The following PDE8B variants were observed in gnomAD, a reference collection of about 807,000 sequenced individuals.
The protein encoded by PDE8B is high affinity cAMP-specific and IBMX-insensitive 3',5'-cyclic phosphodiesterase 8B.
A neutral mutation model predicts 101.3 loss-of-function variants in PDE8B; 26 were observed. The ratio of observed to expected loss-of-function variants is 0.26; its 90% CI spans 0.19 to 0.36. The LOEUF (loss-of-function observed/expected upper bound fraction) is 0.36, where lower values mean the gene tolerates loss of function less well. PDE8B is among the 10% of genes least tolerant of loss of function. The pLI is 1.00. For synonymous variants in PDE8B, 424 were observed against 429.3 expected, an observed-to-expected ratio of 0.99 and a Z score of 0.15; for missense variants, 810 against 1,163.1, an observed-to-expected ratio of 0.70 and a Z score of 4.42.
chr5:77,308,685 A>C (rs1771814405), intron 1 of PDE8B, among the ~76,000 whole-genome samples: 1 of 152,166 alleles, frequency 6.6e-6, no homozygotes, highest in African/African-American at 2.4e-5. Context: ...ATGCTGTGAC[A>C]CAGTGGCCAT....
At position 77,325,637 on chromosome 5, in the gene PDE8B, G is replaced by A. The variant is rs752119454; in HGVS notation, c.498G>A (p.Glu166=). The change falls in exon 3 of 22, where the codon GAG becomes GAA. Residue 166 remains glutamate, a synonymous_variant. Coordinates refer to ENST00000264917, the MANE Select transcript of PDE8B (RefSeq NM_003719.5). ...GYRCNIARTP[E]SALECFLDKH... Reference sequence around the variant, plus strand: ...GATGCAATATTGCTCGGACTCCAGAGTCAGCCCTTGAATGCTTTCTTGATA... The same window carrying A: ...GATGCAATATTGCTCGGACTCCAGAATCAGCCCTTGAATGCTTTCTTGATA... 3 of 1,613,774 alleles carry A rather than the reference G, an allele frequency of 1.9e-6. No individual in the cohort carries two copies. The highest frequency in any genetic ancestry group is 1.7e-6 in the Non-Finnish European group (2 of 1,179,670).
chr5:77,403,114 G>A lies in PDE8B; in HGVS notation c.1211-1606G>A, dbSNP rs538458561. Among the ~76,000 whole-genome samples the A allele has an allele frequency of 1.1e-4, 17 of 152,268 alleles. No individual in the cohort carries two copies. In the South Asian group the frequency reaches 3.5e-3, roughly 32 times the overall value. ...ACAGAAGCAAATGCGCTGAAAATGT[G>A]TGTTTCTGAAGCCAACACTGCTGCC... On this transcript the variant is annotated intron_variant, in intron 11 of 21. Coordinates refer to ENST00000264917, the MANE Select transcript of PDE8B (RefSeq NM_003719.5).
At chr5:77,403,386 G>A (rs1792725446) in intron 11 of PDE8B, among the ~76,000 whole-genome samples, 1 of 152,122 alleles carries the variant, frequency 6.6e-6, no homozygotes, top group African/African-American at 2.4e-5. Flanking sequence ...TGCATCATTT[G>A]ATGAAATCCA....
rs140275309 is a variant in PDE8B at position 77,242,896 on chromosome 5, G to A, written c.339+31632G>A. Among the ~76,000 whole-genome samples, 682 of 152,222 alleles carry A rather than the reference G, an allele frequency of 4.5e-3. 6 individuals carry two copies. The highest frequency in any genetic ancestry group is 0.016 in the African/African-American group (648 of 41,532). ...TTAGCCAGGATGGTCTTGATCTCCT[G>A]ACCTTGTGATCCGCCTGTCTCGGCC... On this transcript the variant is annotated intron_variant, in intron 1 of 21. Coordinates refer to ENST00000264917, the MANE Select transcript of PDE8B (RefSeq NM_003719.5).
intron 18 of PDE8B, 23 bp downstream of exon 18, chr5:77,418,469 T>C (rs375966620): frequency 6.6e-5 from 102 of 1,552,012 alleles, no homozygotes; most frequent in Non-Finnish European, 8.5e-5. Context: ...GGGGCTCCTG[T>C]GCTCAAGTTT....
chr5:77,092,455 C>T, the PDE8B span: 19 of 152,208 alleles, frequency 1.2e-4, no homozygotes, highest in Admixed American at 4.6e-4. Context: ...TTTCATCACG[C>T]GTGTAACCAT....
chr5:77,149,783 A>T, the PDE8B span, among the ~76,000 whole-genome samples: 11 of 152,304 alleles, frequency 7.2e-5, no homozygotes, highest in African/African-American at 2.6e-4. Flanking sequence ...TATACGCAAG[A>T]TTATGCCATC....
rs538466192 is a variant in PDE8B, at chr5:77,387,299, G to A, written c.1168-12949G>A. ...TCTCGGTATTTGCTTGTCTGTAAAG[G>A]ATTTTATTTCTCCTTCACTTATGAA... On this transcript the variant is annotated intron_variant, in intron 10 of 21. Transcript: ENST00000264917. 3.0e-4 allele frequency among the ~76,000 whole-genome samples: 46 copies of A among 152,228 alleles called. 1 individual carries two copies. Among genetic ancestry groups the A allele is most frequent in the Admixed American group, 5.9e-4 (9 of 15,284 alleles).
chr5:77,154,672 T>C, the PDE8B span, among the ~76,000 whole-genome samples: 403 of 152,274 alleles, frequency 2.6e-3, 5 homozygotes, highest in African/African-American at 9.2e-3. Context: ...ATCTCCCAGA[T>C]GGGAGGGCCC....
chr5:77,236,260 C>T (rs1754671479), intron 1 of PDE8B, among the ~76,000 whole-genome samples: 1 of 152,108 alleles, frequency 6.6e-6, no homozygotes, highest in African/African-American at 2.4e-5. Flanking sequence ...GGTGAGAGGA[C>T]AAGGTTCTAG....
the PDE8B span, among the ~76,000 whole-genome samples, chr5:77,130,618 GA>G: frequency 3.9e-5 from 6 of 152,184 alleles, no homozygotes; most frequent in Admixed American, 3.3e-4. Context: ...TTGGATTTTA[GA>G]AAGGTATATG....
chr5:77,176,295 C>T, the PDE8B span, among the ~76,000 whole-genome samples: 38 of 152,202 alleles, frequency 2.5e-4, no homozygotes, highest in East Asian at 6.8e-3. Flanking sequence ...ATCACCCTAG[C>T]GCTGTCTACC....
intron 10 of PDE8B, 47 bp downstream of exon 10, chr5:77,353,453 T>C: frequency 2.0e-6 from 2 of 1,014,014 alleles, no homozygotes; most frequent in Non-Finnish European, 1.6e-6. Context: ...TGGCCATGCG[T>C]CACCTCTGTT....
chr5:77,216,341 C>T (rs940255939), intron 1 of PDE8B, among the ~76,000 whole-genome samples: 2 of 152,192 alleles, frequency 1.3e-5, no homozygotes, highest in African/African-American at 4.8e-5. Flanking sequence ...AATGGACTCA[C>T]ATTTCCATGT....
At chr5:77,100,154 AC>A in the PDE8B span, 1 of 152,220 alleles carries the variant, frequency 6.6e-6, no homozygotes, top group Non-Finnish European at 1.5e-5. Context: ...AACTACTACT[AC>A]TACTGCCTAA....
chr5:77,248,409 C>T (rs1757394524), intron 1 of PDE8B, among the ~76,000 whole-genome samples: 7 of 151,944 alleles, frequency 4.6e-5, no homozygotes, highest in Admixed American at 2.0e-4. Context: ...ACCTTCTATC[C>T]TCAAGAATTA....
chr5:77,422,020 C>T, intron 20 of PDE8B, 32 bp downstream of exon 20: 2 of 1,606,038 alleles, frequency 1.2e-6, no homozygotes, highest in Non-Finnish European at 1.7e-6. Flanking sequence ...GCTCCACTTC[C>T]CCTCTGGGAA....
At chr5:77,403,131 A>G (rs1457524983) in intron 11 of PDE8B, among the ~76,000 whole-genome samples, 1 of 152,096 alleles carries the variant, frequency 6.6e-6, no homozygotes, top group Non-Finnish European at 1.5e-5. Flanking sequence ...TGAAGCCAAC[A>G]CTGCTGCCTT....
intron 5 of PDE8B, 21 bp downstream of exon 5, chr5:77,331,480 ATCTC>A (rs1295441771): frequency 1.3e-6 from 2 of 1,596,764 alleles, no homozygotes; most frequent in Non-Finnish European, 1.7e-6. Context: ...GATATCCAGC[ATCTC>A]TCTCAGTTGC....
Sources: allele counts gnomAD v4.1 joint callset (sites outside exome capture counted in the v4.1 genomes callset), GRCh38; gene constraint gnomAD v4.1.1; transcripts MANE v1.5; gene names NCBI Gene and HGNC (gene_info 2026-07-23, HGNC 2026-07-21).